Variants in ASIC2 observed in about 807,000 individuals in gnomAD.
The protein encoded by ASIC2 is acid sensing ion channel subunit 2.
A neutral mutation model predicts 57.3 loss-of-function variants in ASIC2; 25 were observed. The observed-to-expected ratio is 0.44, with a 90% confidence interval of 0.32 to 0.61. The LOEUF (loss-of-function observed/expected upper bound fraction) is 0.61, where lower values mean the gene tolerates loss of function less well. Ranked by LOEUF, ASIC2 falls within the 20% of genes least tolerant of loss-of-function variation. ASIC2 has a pLI of 0.06. For synonymous variants in ASIC2, 319 were observed against 307.5 expected, an observed-to-expected ratio of 1.04 and a Z score of -0.39; for missense variants, 641 against 738.1, an observed-to-expected ratio of 0.87 and a Z score of 1.52.
chr17:33,587,438 G>A (rs909758297), intron 1 of ASIC2, among the ~76,000 whole-genome samples: 1 of 152,182 alleles, frequency 6.6e-6, no homozygotes, highest in African/African-American at 2.4e-5. Flanking sequence ...GGTCTAAGAT[G>A]GCTGCCACAG....
intron 1 of ASIC2, among the ~76,000 whole-genome samples, chr17:33,590,343 G>C (rs1009101722): frequency 6.6e-6 from 1 of 152,128 alleles, no homozygotes; most frequent in Admixed American, 6.5e-5. Context: ...TGTCATTGTT[G>C]TCCTCTTTGT....
rs906479338 is a variant in ASIC2, at chr17:33,819,088, T to C, written c.555+336890A>G. ...AGGAAAAACCCAGGGATAATGCCGT[T>C]TGAAGCTGGTGGCCTAGCTATATGC... is the stretch of plus-strand genomic sequence containing the variant. On this transcript the variant is annotated intron_variant, in intron 1 of 9. Transcript: ENST00000359872. Among the ~76,000 whole-genome samples the C allele has an allele frequency of 2.0e-5, 3 of 152,136 alleles. No individual in the cohort carries two copies. The East Asian group carries it at 5.8e-4, about 29-fold the overall frequency.
At chr17:33,266,304 T>C (rs1476787203) in intron 1 of ASIC2, among the ~76,000 whole-genome samples, 1 of 152,154 alleles carries the variant, frequency 6.6e-6, no homozygotes, top group Non-Finnish European at 1.5e-5. Flanking sequence ...TTCCCTGCCA[T>C]ATCCACAGCA....
At chr17:33,411,073 A>C (rs1281300165) in intron 1 of ASIC2, among the ~76,000 whole-genome samples, 6 of 152,238 alleles carry the variant, frequency 3.9e-5, no homozygotes, top group African/African-American at 1.4e-4. Context: ...ATGGTGAAAG[A>C]ATATGTGAAT....
rs1915456171 is a variant in ASIC2 at position 33,911,269 on chromosome 17, GA to G, written c.555+244708del. On this transcript the variant is annotated intron_variant, in intron 1 of 9. Transcript: ENST00000359872. Reference sequence around the variant, plus strand: ...CGTATCAGTTAGAATTCAGTTGGTTGAAAGAAGTAGAAAACCCCACACTCAT... The same window carrying G: ...CGTATCAGTTAGAATTCAGTTGGTTGAAGAAGTAGAAAACCCCACACTCAT... 2.6e-5 allele frequency among the ~76,000 whole-genome samples: 4 copies of G among 152,282 alleles called. No homozygotes were observed. In the South Asian group the frequency reaches 8.3e-4, roughly 32 times the overall value.
chr17:33,061,103 G>A (rs1187650924), intron 3 of ASIC2, among the ~76,000 whole-genome samples: 2 of 152,196 alleles, frequency 1.3e-5, no homozygotes, highest in African/African-American at 4.8e-5. Context: ...CATGTCATCT[G>A]CAAACAGGGA....
intron 1 of ASIC2, among the ~76,000 whole-genome samples, chr17:33,594,330 C>T (rs935263398): frequency 6.6e-6 from 1 of 152,216 alleles, no homozygotes; most frequent in African/African-American, 2.4e-5. Flanking sequence ...AGAGCAGGTA[C>T]GGCTCTGGGG....
intron 1 of ASIC2, among the ~76,000 whole-genome samples, chr17:34,078,541 T>C (rs558140503): frequency 2.6e-5 from 4 of 152,034 alleles, no homozygotes; most frequent in Non-Finnish European, 5.9e-5. Context: ...GCAAGGTAAT[T>C]AGCTCCCTTC....
rs1255888012 is a variant in ASIC2, at chr17:34,083,964, C to T, written c.555+72014G>A. Among the ~76,000 whole-genome samples the T allele has an allele frequency of 3.0e-4, 45 of 152,182 alleles. No homozygotes were observed. In the East Asian group the frequency reaches 6.2e-3, roughly 21 times the overall value. On this transcript the variant is annotated intron_variant, in intron 1 of 9. Transcript: ENST00000359872. ...TAGGTTGTGAAAATTTTCTCCCATT[C>T]TGTAGGTTGCCTGTTCACTCCGATG... is the stretch of plus-strand genomic sequence containing the variant.
chr17:33,109,829 C>T (rs1279776293), intron 2 of ASIC2, among the ~76,000 whole-genome samples: 2 of 152,230 alleles, frequency 1.3e-5, no homozygotes, highest in African/African-American at 2.4e-5. Context: ...ATCATTACTT[C>T]AAGCCAGGCC....
chr17:33,431,799 A>T (rs1911430397), intron 1 of ASIC2, among the ~76,000 whole-genome samples: 1 of 152,084 alleles, frequency 6.6e-6, no homozygotes, highest in Non-Finnish European at 1.5e-5. Flanking sequence ...ACCCACACAA[A>T]ATCATCATAA....
chr17:33,061,855 T>C (rs2092022185), intron 3 of ASIC2, among the ~76,000 whole-genome samples: 2 of 152,240 alleles, frequency 1.3e-5, no homozygotes. Flanking sequence ...TATTGGTCTA[T>C]TCAGAGATTC....
At chr17:33,985,745 T>C (rs1905795990) in intron 1 of ASIC2, among the ~76,000 whole-genome samples, 1 of 152,206 alleles carries the variant, frequency 6.6e-6, no homozygotes, top group Non-Finnish European at 1.5e-5. Flanking sequence ...GCCTTTACAC[T>C]GAGCCAGATC....
At chr17:33,737,930 G>A (rs1295401923) in intron 1 of ASIC2, among the ~76,000 whole-genome samples, 1 of 151,456 alleles carries the variant, frequency 6.6e-6, no homozygotes, top group Non-Finnish European at 1.5e-5. Context: ...TTCCAGAGAA[G>A]GAAAAACCCA....
At chr17:33,905,985 C>A (rs1915338663) in intron 1 of ASIC2, among the ~76,000 whole-genome samples, 1 of 150,914 alleles carries the variant, frequency 6.6e-6, no homozygotes, top group African/African-American at 2.4e-5. Flanking sequence ...GCCTGGCTGC[C>A]CAGCTAATAT....
chr17:33,078,100 G>A (rs2092097207), intron 3 of ASIC2, among the ~76,000 whole-genome samples: 1 of 152,144 alleles, frequency 6.6e-6, no homozygotes, highest in African/African-American at 2.4e-5. Flanking sequence ...AGCATGGTCT[G>A]ATTTATTAAC....
chr17:34,085,455 G>T (rs1029791186), intron 1 of ASIC2, among the ~76,000 whole-genome samples: 7 of 152,142 alleles, frequency 4.6e-5, no homozygotes, highest in Admixed American at 3.9e-4. Flanking sequence ...TTTTATTGAC[G>T]ATTTTTGCAT....
intron 1 of ASIC2, among the ~76,000 whole-genome samples, chr17:33,253,423 C>A (rs1295513235): frequency 6.6e-6 from 1 of 152,112 alleles, no homozygotes; most frequent in African/African-American, 2.4e-5. Flanking sequence ...GGAGCTAGAC[C>A]AGAGCTGAAA....
chr17:33,159,140 A>T (rs1167540647), intron 1 of ASIC2, among the ~76,000 whole-genome samples: 1 of 152,118 alleles, frequency 6.6e-6, no homozygotes, highest in Non-Finnish European at 1.5e-5. Flanking sequence ...AATTACCATT[A>T]GTTTAGTTTC....
Sources: allele counts gnomAD v4.1 joint callset (sites outside exome capture counted in the v4.1 genomes callset), GRCh38; gene constraint gnomAD v4.1.1; transcripts MANE v1.5; gene names NCBI Gene and HGNC (gene_info 2026-07-23, HGNC 2026-07-21).